CRISP1: variants seen among roughly 807,000 people sequenced by gnomAD.
The protein encoded by CRISP1 is cysteine-rich secretory protein 1.
In CRISP1, 44 loss-of-function variants were observed where a neutral mutation model predicts 33.1. That is an observed-to-expected ratio of 1.33 (90% CI 1.05 to 1.71). CRISP1 has a LOEUF of 1.71. Ranked by LOEUF, CRISP1 falls within the 40% of genes most tolerant of loss-of-function variation. CRISP1 has a pLI of 0.00. For synonymous variants in CRISP1, 103 were observed against 98.7 expected (o/e 1.04, Z -0.26); for missense variants, 390 against 301.2 (o/e 1.29, Z -2.18).
intron 7 of CRISP1, 30 bp from the exon 8 acceptor site, chr6:49,835,473 C>G: frequency 1.9e-6 from 3 of 1,602,522 alleles, no homozygotes; most frequent in Non-Finnish European, 1.7e-6. Context: ...TTTTACAACA[C>G]AGTCTTTTAA....
chr6:49,871,968 T>C (rs1236814050), intron 1 of CRISP1, among the ~76,000 whole-genome samples: 1 of 152,098 alleles, frequency 6.6e-6, no homozygotes, highest in Non-Finnish European at 1.5e-5. Context: ...CCCTGAGGAA[T>C]CGCCACACTG....
chr6:49,857,189 C>A, intron 2 of CRISP1, 146 bp downstream of exon 2: 1 of 666,030 alleles, frequency 1.5e-6, no homozygotes, highest in Non-Finnish European at 2.6e-6. Flanking sequence ...AAGATGAGTA[C>A]TTGCCTAACA....
chr6:49,838,349 G>A, intron 7 of CRISP1, 88 bp downstream of exon 7: 1 of 928,206 alleles, frequency 1.1e-6, no homozygotes, highest in Non-Finnish European at 1.7e-6. Flanking sequence ...GTAGAAAAGT[G>A]CGATGTTTTT....
chr6:49,862,533 A>G lies in CRISP1; in HGVS notation c.-3+3896T>C, dbSNP rs142485952. Among the ~76,000 whole-genome samples, 18 of 152,168 alleles carry G rather than the reference A, an allele frequency of 1.2e-4. No homozygotes were observed. The East Asian group carries it at 3.3e-3, about 28-fold the overall frequency. ...TATAATGCTAAATCTAGGTAAATTAATCCCAGAACTTATTTTCTGTGCAAG... is the reference window on the plus strand; with the variant it reads ...TATAATGCTAAATCTAGGTAAATTAGTCCCAGAACTTATTTTCTGTGCAAG... On this transcript the variant is annotated intron_variant, in intron 1 of 7. Coordinates refer to ENST00000335847, the MANE Select transcript of CRISP1 (RefSeq NM_001131.3).
chr6:49,845,847 T>G (rs1182099290), intron 5 of CRISP1, among the ~76,000 whole-genome samples: 1 of 152,126 alleles, frequency 6.6e-6, no homozygotes, highest in Non-Finnish European at 1.5e-5. Flanking sequence ...GAACATGGAT[T>G]TAATATATCA....
At chr6:49,874,015 T>A (rs971353067) in intron 1 of CRISP1, among the ~76,000 whole-genome samples, 1 of 152,070 alleles carries the variant, frequency 6.6e-6, no homozygotes, top group African/African-American at 2.4e-5. Flanking sequence ...TATTTTTAAA[T>A]ATAGAAAATA....
chr6:49,853,339 A>AT (rs1191701981), intron 2 of CRISP1, among the ~76,000 whole-genome samples: 1 of 151,990 alleles, frequency 6.6e-6, no homozygotes, highest in African/African-American at 2.4e-5. Flanking sequence ...CCTATCATGG[A>AT]TTTTTTTCTT....
rs552532366 is a variant in CRISP1 at position 49,844,786 on chromosome 6, C to T, written c.435+1734G>A. On this transcript the variant is annotated intron_variant, in intron 5 of 7. Coordinates refer to ENST00000335847, the MANE Select transcript of CRISP1 (RefSeq NM_001131.3). Reference sequence around the variant, plus strand: ...TGCTTCCTTTTCTATTTCTCTCTTTCGAAATGAGAATGTCTATCCTATGCC... The same window carrying T: ...TGCTTCCTTTTCTATTTCTCTCTTTTGAAATGAGAATGTCTATCCTATGCC... 3.1e-4 allele frequency among the ~76,000 whole-genome samples: 47 copies of T among 152,256 alleles called. 2 individuals carry two copies. In the South Asian group the frequency reaches 6.0e-3, roughly 19 times the overall value.
intron 1 of CRISP1, 73 bp from the exon 2 acceptor site, chr6:49,857,475 C>A: frequency 1.4e-6 from 2 of 1,409,594 alleles, no homozygotes; most frequent in East Asian, 4.8e-5. Flanking sequence ...ACTATTTAAA[C>A]CACTTTTACA....
Position 49,851,985 on chromosome 6 carries a change from T to C in CRISP1, c.195+16A>G. On this transcript the variant is annotated intron_variant, in intron 3 of 7. Transcript: ENST00000335847. ...CTATTATTGCAATCATGGTTGTTGC[T>C]ATTTTTTGATCTTACCATCTTCAGC... The C allele has an allele frequency of 6.2e-7, 1 of 1,600,334 alleles. No individual in the cohort carries two copies. Among genetic ancestry groups the C allele is most frequent in the Non-Finnish European group, 8.5e-7 (1 of 1,175,740 alleles).
At chr6:49,856,810 G>A (rs1325732808) in intron 2 of CRISP1, among the ~76,000 whole-genome samples, 1 of 152,034 alleles carries the variant, frequency 6.6e-6, no homozygotes, top group Non-Finnish European at 1.5e-5. Flanking sequence ...TCTGTTTTGT[G>A]ACTGTTAAAG....
intron 1 of CRISP1, among the ~76,000 whole-genome samples, chr6:49,862,703 G>A (rs992060649): frequency 6.6e-6 from 1 of 151,976 alleles, no homozygotes; most frequent in South Asian, 2.1e-4. Flanking sequence ...ACTATGCTAA[G>A]GGAAACTGCT....
intron 1 of CRISP1, among the ~76,000 whole-genome samples, chr6:49,861,716 T>C (rs1771659030): frequency 2.0e-5 from 3 of 151,986 alleles, no homozygotes; most frequent in Non-Finnish European, 4.4e-5. Flanking sequence ...AAACCTCGTC[T>C]CTACTAAAAA....
chr6:49,870,929 C>T (rs1261032375), upstream of CRISP1, among the ~76,000 whole-genome samples: 1 of 151,902 alleles, frequency 6.6e-6, no homozygotes, highest in Non-Finnish European at 1.5e-5. Context: ...GGTGAAACCC[C>T]ATGCCTACTA....
intron 2 of CRISP1, 93 bp downstream of exon 2, chr6:49,857,242 C>T: frequency 8.0e-7 from 1 of 1,251,898 alleles, no homozygotes; most frequent in Non-Finnish European, 1.1e-6. Context: ...GTAGTGGCCT[C>T]ACAACAGTGC....
intron 5 of CRISP1, among the ~76,000 whole-genome samples, chr6:49,842,728 G>A (rs1300538877): frequency 4.6e-5 from 7 of 152,026 alleles, no homozygotes; most frequent in Non-Finnish European, 1.0e-4. Context: ...TAGAACATTA[G>A]GTGAAATGAA....
chr6:49,854,318 G>C (rs968027255), intron 2 of CRISP1, among the ~76,000 whole-genome samples: 11 of 152,246 alleles, frequency 7.2e-5, no homozygotes, highest in African/African-American at 2.6e-4. Flanking sequence ...TTTGCTGTCA[G>C]CCACTCTTTC....
chr6:49,855,699 T>C (rs1340823), intron 2 of CRISP1, among the ~76,000 whole-genome samples: 139,625 of 152,238 alleles, frequency 0.92, 64,098 homozygotes, highest in East Asian at 0.96. Context: ...TCATGGAAAA[T>C]TACCTATATA....
rs188704650 is a variant in CRISP1 at position 49,842,437 on chromosome 6, T to A, written c.436-1442A>T. 6.9e-4 allele frequency among the ~76,000 whole-genome samples: 105 copies of A among 152,232 alleles called. 1 individual carries two copies. In the East Asian group the frequency reaches 0.019, roughly 28 times the overall value. ...TCTTTTAACTCATAGCAAAGAAAAATTGAAAATGAAACTTTTTTCATTAGG... is the reference window on the plus strand; with the variant it reads ...TCTTTTAACTCATAGCAAAGAAAAAATGAAAATGAAACTTTTTTCATTAGG... On this transcript the variant is annotated intron_variant, in intron 5 of 7. Coordinates refer to ENST00000335847, the MANE Select transcript of CRISP1 (RefSeq NM_001131.3).
Sources: allele counts gnomAD v4.1 joint callset (sites outside exome capture counted in the v4.1 genomes callset), GRCh38; gene constraint gnomAD v4.1.1; transcripts MANE v1.5; gene names NCBI Gene and HGNC (gene_info 2026-07-23, HGNC 2026-07-21).